The following FRMPD4 variants were observed in gnomAD, a reference collection of about 807,000 sequenced individuals.
The protein encoded by FRMPD4 is FERM and PDZ domain-containing protein 4.
In FRMPD4, 22 loss-of-function variants were observed where a neutral mutation model predicts 94.1. The observed-to-expected ratio is 0.23, with a 90% CI of 0.17 to 0.33. FRMPD4 has a LOEUF of 0.33. Among genes scored for constraint, FRMPD4 ranks in the 10% least tolerant of loss-of-function variants. The pLI, the probability that FRMPD4 is intolerant of heterozygous loss-of-function variation, is 1.00. For synonymous variants in FRMPD4, 631 were observed against 548.6 expected, an observed-to-expected ratio of 1.15 and a Z score of -2.10; for missense variants, 1,111 against 1,339.9, an observed-to-expected ratio of 0.83 and a Z score of 2.67.
At chrX:12,484,745 A>G (rs987118654) in intron 1 of FRMPD4, among the ~76,000 whole-genome samples, 7 of 112,110 alleles carry the variant, frequency 6.2e-5, no homozygotes, top group Non-Finnish European at 1.3e-4. Context: ...TCAAATGAGT[A>G]AGGAGGCTCA....
At chrX:12,546,177 C>CTTTTT (rs11321204) in intron 2 of FRMPD4, among the ~76,000 whole-genome samples, 8 of 91,937 alleles carry the variant, frequency 8.7e-5, no homozygotes, top group Non-Finnish European at 1.3e-4. Flanking sequence ...TGCCAACTGT[C>CTTTTT]TTTTTTTTTT....
At chrX:11,876,865 T>G (rs186345686) in intron 2 of FRMPD4, among the ~76,000 whole-genome samples, 60 of 112,562 alleles carry the variant, frequency 5.3e-4, no homozygotes, top group African/African-American at 1.6e-3. Context: ...CCGGGGTTGA[T>G]TCTGCTTCCC....
At chrX:12,318,352 A>G (rs1373345439) in intron 1 of FRMPD4, among the ~76,000 whole-genome samples, 1 of 111,834 alleles carries the variant, frequency 8.9e-6, no homozygotes, top group East Asian at 2.8e-4. Context: ...ACAGTGAGAC[A>G]CTGTCTCTAC....
At chrX:12,630,861 CAG>C (rs1329566534) in intron 4 of FRMPD4, among the ~76,000 whole-genome samples, 1 of 111,910 alleles carries the variant, frequency 8.9e-6, no homozygotes, top group Non-Finnish European at 1.9e-5. Flanking sequence ...CAAAACTATA[CAG>C]AGTTTCCATC....
intron 3 of FRMPD4, among the ~76,000 whole-genome samples, chrX:12,095,423 G>A (rs1365645377): frequency 9.2e-6 from 1 of 109,169 alleles, no homozygotes; most frequent in Admixed American, 9.8e-5. Flanking sequence ...AAAATTAAAT[G>A]AAACTCAAAT....
At chrX:12,560,419 T>C (rs2058640585) in intron 2 of FRMPD4, among the ~76,000 whole-genome samples, 1 of 107,876 alleles carries the variant, frequency 9.3e-6, no homozygotes, top group African/African-American at 3.4e-5. Context: ...GCCATTTGAC[T>C]TCATAATGAC....
At chrX:12,314,221 G>T (rs1263115871) in intron 1 of FRMPD4, among the ~76,000 whole-genome samples, 2 of 112,549 alleles carry the variant, frequency 1.8e-5, no homozygotes, top group Non-Finnish European at 3.7e-5. Flanking sequence ...CGTTCAGAGT[G>T]AAGAGAGAGG....
At chrX:12,276,993 C>T (rs1217248517) in intron 1 of FRMPD4, among the ~76,000 whole-genome samples, 3 of 104,357 alleles carry the variant, frequency 2.9e-5, no homozygotes, top group Non-Finnish European at 4.0e-5. Flanking sequence ...TAGTGGCGGG[C>T]GCCTGTAGTC....
chrX:11,833,268 TG>T (rs1258442937), intron 1 of FRMPD4, among the ~76,000 whole-genome samples: 1 of 112,508 alleles, frequency 8.9e-6, no homozygotes, highest in East Asian at 2.8e-4. Flanking sequence ...TTCCAGGTTT[TG>T]ACAATTATGA....
At chrX:11,826,810 TAAA>T (rs1351287177) in intron 1 of FRMPD4, among the ~76,000 whole-genome samples, 1 of 110,076 alleles carries the variant, frequency 9.1e-6, no homozygotes, top group Admixed American at 9.8e-5. Flanking sequence ...TGTAAGGAAA[TAAA>T]GAAGAGCAGT....
At chrX:12,481,664 C>T (rs906829663) in intron 1 of FRMPD4, among the ~76,000 whole-genome samples, 3 of 109,214 alleles carry the variant, frequency 2.7e-5, no homozygotes, top group South Asian at 4.0e-4. Context: ...TATTGGGGCC[C>T]GGCGCGGTGG....
intron 1 of FRMPD4, among the ~76,000 whole-genome samples, chrX:12,150,427 T>TA (rs2055832193): frequency 8.9e-6 from 1 of 112,081 alleles, no homozygotes; most frequent in Non-Finnish European, 1.9e-5. Context: ...TGGGCCCATA[T>TA]CCTCTCATTC....
At chrX:12,460,717 A>AT (rs937305625) in intron 1 of FRMPD4, among the ~76,000 whole-genome samples, 2 of 111,232 alleles carry the variant, frequency 1.8e-5, no homozygotes, top group African/African-American at 3.3e-5. Flanking sequence ...TATGTTGGGG[A>AT]TTTTTTTTAA....
Position 12,107,632 on chromosome X carries a change from A to C in FRMPD4, c.95+229614A>C, listed in dbSNP as rs761388319. On this transcript the variant is annotated intron_variant, in intron 3 of 18. Coordinates refer to the FRMPD4 transcript ENST00000640291. ...AGATGATCAAACTTCTCTGAGCTGA[A>C]GGAGGAAGTTTGAACCCATCACAAA... Among the ~76,000 whole-genome samples, 6 of 111,955 alleles carry C rather than the reference A, an allele frequency of 5.4e-5. No individual in the cohort carries two copies. In the South Asian group the frequency reaches 2.2e-3, roughly 42 times the overall value.
In FRMPD4 at chrX:12,000,977, TTATC is replaced by T. The variant is rs771020137; in HGVS notation, c.95+122961_95+122964del. On this transcript the variant is annotated intron_variant, in intron 3 of 18. Coordinates refer to the FRMPD4 transcript ENST00000640291. ...ATATGAATCTATTTATAGTCTTTAT[TTATC>T]TTGTCCAGTGTGAATATTCATGCAT... is the stretch of plus-strand genomic sequence containing the variant. 3.6e-5 allele frequency among the ~76,000 whole-genome samples: 4 copies of T among 112,233 alleles called. No homozygotes were observed. In the East Asian group the frequency reaches 1.1e-3, roughly 31 times the overall value.
intron 1 of FRMPD4, chrX:12,374,930 C>G (rs976679072): frequency 2.7e-5 from 3 of 112,415 alleles, no homozygotes; most frequent in African/African-American, 9.7e-5. Flanking sequence ...ACACAAGGAT[C>G]TTGCCATACT....
At chrX:12,243,489 C>T (rs1297444829) in intron 1 of FRMPD4, among the ~76,000 whole-genome samples, 1 of 111,506 alleles carries the variant, frequency 9.0e-6, no homozygotes, top group Non-Finnish European at 1.9e-5. Flanking sequence ...TTTTAGTTAG[C>T]GAATTGAGTG....
intron 1 of FRMPD4, among the ~76,000 whole-genome samples, chrX:12,168,210 G>A (rs1264629622): frequency 9.0e-6 from 1 of 111,604 alleles, no homozygotes; most frequent in Non-Finnish European, 1.9e-5. Context: ...CGGAACAACT[G>A]TGCAGAACAA....
intron 3 of FRMPD4, among the ~76,000 whole-genome samples, chrX:12,130,127 A>AGAGG (rs2055538061): frequency 9.8e-6 from 1 of 101,727 alleles, no homozygotes. Flanking sequence ...AGAGAGAGAG[A>AGAGG]GAGAGAGAAG....
Sources: gnomAD v4.1 joint callset for allele counts (sites outside exome capture counted in the v4.1 genomes callset) on GRCh38, gnomAD v4.1.1 for gene constraint, MANE v1.5 for transcripts, NCBI Gene and HGNC (gene_info 2026-07-23, HGNC 2026-07-21) for gene names.